Variants in WDR72 observed in about 807,000 individuals in gnomAD.
The protein encoded by WDR72 is WD repeat-containing protein 72.
Under a neutral mutation model 124.2 loss-of-function variants are expected in WDR72, and 120 were observed. That is an observed-to-expected ratio of 0.97 (90% confidence interval 0.83 to 1.12). The LOEUF (loss-of-function observed/expected upper bound fraction) is 1.12, where lower values mean the gene tolerates loss of function less well. Among genes scored for constraint, WDR72 ranks in the 50% most tolerant of loss-of-function variants. WDR72 has a pLI of 0.00. For missense variants in WDR72, 1,387 were observed against 1,278.8 expected, an observed-to-expected ratio of 1.08 and a Z score of -1.29; for synonymous variants, 452 against 441.7, an observed-to-expected ratio of 1.02 and a Z score of -0.29.
At chr15:53,660,871 G>A (rs1006669908) in intron 14 of WDR72, among the ~76,000 whole-genome samples, 9 of 152,246 alleles carry the variant, frequency 5.9e-5, no homozygotes, top group African/African-American at 1.7e-4. Flanking sequence ...TGCAGAGGTT[G>A]GGATAAGTTG....
chr15:53,516,713 T>G lies in WDR72; in HGVS notation c.*986A>C, dbSNP rs943090852. 7.9e-5 allele frequency: 12 copies of G among 152,036 alleles called. No homozygotes were observed. Among genetic ancestry groups the G allele is most frequent in the African/African-American group, 2.9e-4 (12 of 41,432 alleles). 9.4% of individuals were successfully genotyped at this position (152,036 alleles called of 1,614,324 possible). On this transcript the variant is annotated 3_prime_UTR_variant, in exon 20 of 20. Transcript: ENST00000360509. ...TCACATATTTAATACTTTATATCCT[T>G]TTTTCTATGGATTAGGCAATATTTA...
intron 13 of WDR72, among the ~76,000 whole-genome samples, chr15:53,681,697 G>A (rs2016391134): frequency 1.3e-5 from 2 of 152,136 alleles, no homozygotes; most frequent in Admixed American, 6.5e-5. Flanking sequence ...GAATGAGACT[G>A]TATTGATTTT....
At chr15:53,624,283 C>T (rs955262815) in intron 14 of WDR72, among the ~76,000 whole-genome samples, 7 of 152,172 alleles carry the variant, frequency 4.6e-5, no homozygotes, top group Admixed American at 1.3e-4. Flanking sequence ...TAAATGCATT[C>T]TAAGAATAGT....
intron 7 of WDR72, among the ~76,000 whole-genome samples, chr15:53,712,399 C>T (rs2614204): frequency 0.38 from 57,860 of 151,986 alleles, 12,402 homozygotes; most frequent in Middle Eastern, 0.6. Context: ...AGTTTGAGAT[C>T]GGCCTGACCA....
intron 17 of WDR72, among the ~76,000 whole-genome samples, chr15:53,601,416 C>T (rs2140346164): frequency 6.6e-6 from 1 of 152,166 alleles, no homozygotes; most frequent in East Asian, 1.9e-4. Context: ...CACTGATGTA[C>T]ACAGACCAGT....
intron 17 of WDR72, among the ~76,000 whole-genome samples, chr15:53,598,882 C>G (rs1195046408): frequency 6.6e-6 from 1 of 151,428 alleles, no homozygotes; most frequent in Non-Finnish European, 1.5e-5. Flanking sequence ...TTCTGCATAT[C>G]ATGATGCTGG....
At position 53,715,218 on chromosome 15, in the gene WDR72, G is replaced by A. The variant is rs1189649089; in HGVS notation, c.489C>T (p.Cys163=). The stretch of plus-strand genomic sequence containing the variant: ...CTTGAATTCTCATGGAGTGAACAAT[G>A]CACATGCAGTTGATCCAGTCAGGAA... ...SQFPDWINCM[C]IVHSMRIQED... is the part of the protein sequence containing the mutation. The change falls in exon 5 of 20, where the codon TGC becomes TGT. Residue 163 remains cysteine (C), a synonymous_variant. Coordinates refer to ENST00000360509, the MANE Select transcript of WDR72 (RefSeq NM_182758.4). 6.2e-7 allele frequency: 1 copy of A among 1,614,072 alleles called. No homozygotes were observed. Among genetic ancestry groups the A allele is most frequent in the South Asian group, 1.1e-5 (1 of 91,084 alleles).
rs868704015 is a variant in WDR72 at position 53,616,232 on chromosome 15, G to C, written c.1974C>G (p.Ala658=). Residue 658 remains alanine, a synonymous_variant, in exon 15 of 20, where the codon GCC becomes GCG. Coordinates refer to ENST00000360509, the MANE Select transcript of WDR72 (RefSeq NM_182758.4). ...QVESSCKVTD[A]KFCPRPFNVL... ...CATTAAAAGGTCTTGGGCAAAATTT[G>C]GCATCAGTAACCTAAGGGAACAAAA... The C allele has an allele frequency of 6.2e-7, 1 of 1,600,618 alleles. No homozygotes were observed. Among genetic ancestry groups the C allele is most frequent in the African/African-American group, 1.3e-5 (1 of 74,776 alleles).
At chr15:53,721,415 C>T (rs1255892269) in intron 3 of WDR72, among the ~76,000 whole-genome samples, 1 of 152,032 alleles carries the variant, frequency 6.6e-6, no homozygotes, top group African/African-American at 2.4e-5. Context: ...ATTCACCATC[C>T]CCAAAATTCT....
intron 18 of WDR72, among the ~76,000 whole-genome samples, chr15:53,568,069 CT>C (rs1894365600): frequency 3.1e-5 from 1 of 32,160 alleles, no homozygotes; most frequent in Non-Finnish European, 6.2e-5. Context: ...CATTTTTTGT[CT>C]TGTTTTTTTT....
At chr15:53,735,510 G>T (rs1403786109) in intron 1 of WDR72, among the ~76,000 whole-genome samples, 1 of 151,954 alleles carries the variant, frequency 6.6e-6, no homozygotes, top group Non-Finnish European at 1.5e-5. Context: ...TTTCATGAGG[G>T]TATACATATG....
At chr15:53,748,096 G>A (rs1326727101) in intron 1 of WDR72, among the ~76,000 whole-genome samples, 3 of 151,936 alleles carry the variant, frequency 2.0e-5, no homozygotes, top group Admixed American at 6.6e-5. Flanking sequence ...GCCAGGTGGT[G>A]GGTTGGGCTG....
chr15:53,517,684 C>CTGA lies in WDR72; in HGVS notation c.*12_*14dup. On this transcript the variant is annotated 3_prime_UTR_variant, in exon 20 of 20. Coordinates refer to ENST00000360509, the MANE Select transcript of WDR72 (RefSeq NM_182758.4). ...TTAATTTGTCCAAATTCAGCTCCTA[C>CTGA]TGATGAGATTCCATTTAAGACACCT... 6.2e-7 allele frequency: 1 copy of CTGA among 1,612,450 alleles called. No homozygotes were observed. Among genetic ancestry groups the CTGA allele is most frequent in the Non-Finnish European group, 8.5e-7 (1 of 1,178,770 alleles).
intron 2 of WDR72, among the ~76,000 whole-genome samples, chr15:53,725,750 C>T (rs1209335590): frequency 2.0e-5 from 3 of 152,038 alleles, no homozygotes; most frequent in African/African-American, 4.8e-5. Context: ...AAAGGCAAAA[C>T]TTAGCAGACA....
chr15:53,578,243 G>A (rs982421189), intron 18 of WDR72, among the ~76,000 whole-genome samples: 3 of 152,082 alleles, frequency 2.0e-5, no homozygotes, highest in Non-Finnish European at 2.9e-5. Flanking sequence ...AAAGAAACCA[G>A]GTGATGAAAA....
chr15:53,673,219 A>G (rs1595837808), intron 13 of WDR72, among the ~76,000 whole-genome samples: 1 of 152,366 alleles, frequency 6.6e-6, no homozygotes, highest in South Asian at 2.1e-4. Flanking sequence ...CCTAATATCA[A>G]TGTATGAATA....
intron 18 of WDR72, among the ~76,000 whole-genome samples, chr15:53,589,889 G>A (rs550236228): frequency 6.6e-6 from 1 of 152,114 alleles, no homozygotes; most frequent in South Asian, 2.1e-4. Flanking sequence ...CTAAGGTGAT[G>A]CAATCTTTAA....
chr15:53,716,540 G>A (rs1220123066), intron 4 of WDR72, 67 bp downstream of exon 4: 6 of 1,013,498 alleles, frequency 5.9e-6, no homozygotes, highest in Non-Finnish European at 9.5e-6. Context: ...CTTTAGAAGT[G>A]TATTTGCAAA....
intron 18 of WDR72, among the ~76,000 whole-genome samples, chr15:53,556,338 CCTTT>C: frequency 1.3e-5 from 2 of 152,102 alleles, no homozygotes; most frequent in East Asian, 3.9e-4. Context: ...GGTTTGTGTT[CCTTT>C]CTTCATTTTA....
Sources: allele counts gnomAD v4.1 joint callset (sites outside exome capture counted in the v4.1 genomes callset), GRCh38; gene constraint gnomAD v4.1.1; transcripts MANE v1.5; gene names NCBI Gene and HGNC (gene_info 2026-07-23, HGNC 2026-07-21).